The following SBNO1 variants were observed in gnomAD, a reference collection of about 807,000 sequenced individuals.
The protein encoded by SBNO1 is protein strawberry notch homolog 1.
A neutral mutation model predicts 173.6 loss-of-function variants in SBNO1; 23 were observed. The observed-to-expected ratio is 0.13, with a 90% CI of 0.10 to 0.19. The LOEUF (loss-of-function observed/expected upper bound fraction) is 0.19. Among genes scored for constraint, SBNO1 ranks in the 10% least tolerant of loss-of-function variants. The pLI is 1.00. For synonymous variants in SBNO1, 632 were observed against 571.5 expected, an observed-to-expected ratio of 1.11 and a Z score of -1.51; for missense variants, 1,238 against 1,671.2, an observed-to-expected ratio of 0.74 and a Z score of 4.52.
chr12:123,351,125 A>G (rs1873819417), intron 1 of SBNO1, among the ~76,000 whole-genome samples: 2 of 151,376 alleles, frequency 1.3e-5, no homozygotes, highest in East Asian at 3.9e-4. Context: ...CCATCTCAAA[A>G]AAAAAAAAAA....
At chr12:123,352,359 TGGAGTACAATGGC>T (rs988444434) in intron 1 of SBNO1, among the ~76,000 whole-genome samples, 17 of 152,226 alleles carry the variant, frequency 1.1e-4, no homozygotes, top group Non-Finnish European at 2.4e-4. Context: ...TTGCCCAAGG[TGGAGTACAATGGC>T]GCGGTCTCGG....
At chr12:123,311,891 G>A (rs1316108827) in intron 24 of SBNO1, among the ~76,000 whole-genome samples, 3 of 150,234 alleles carry the variant, frequency 2.0e-5, no homozygotes, top group Non-Finnish European at 3.0e-5. Context: ...GTGCACCACC[G>A]TGCCTGGCTA....
intron 1 of SBNO1, among the ~76,000 whole-genome samples, chr12:123,361,354 G>A (rs1291640763): frequency 2.6e-5 from 4 of 151,978 alleles, no homozygotes; most frequent in African/African-American, 9.7e-5. Context: ...TTCAAGAACA[G>A]CCTGATCAAC....
At chr12:123,328,050 T>C (rs752883350) in intron 10 of SBNO1, 23 bp from the exon 11 acceptor site, 3 of 1,572,862 alleles carry the variant, frequency 1.9e-6, no homozygotes, top group South Asian at 2.3e-5. Flanking sequence ...AGTTAAGGAA[T>C]GTATCACATT....
chr12:123,346,533 G>A (rs1396666967), intron 3 of SBNO1, among the ~76,000 whole-genome samples: 5 of 152,052 alleles, frequency 3.3e-5, no homozygotes, highest in African/African-American at 7.2e-5. Flanking sequence ...GCGTGGTGGC[G>A]GATGCCTATA....
chr12:123,330,212 A>G (rs1263572703), intron 9 of SBNO1, among the ~76,000 whole-genome samples: 1 of 152,210 alleles, frequency 6.6e-6, no homozygotes, highest in Non-Finnish European at 1.5e-5. Flanking sequence ...TTCAATAGCC[A>G]CATGTGATGA....
intron 20 of SBNO1, 49 bp from the exon 21 acceptor site, chr12:123,317,405 A>T (rs1296204829): frequency 6.3e-7 from 1 of 1,575,164 alleles, no homozygotes; most frequent in Non-Finnish European, 8.7e-7. Context: ...AAGAACAAGC[A>T]GGCCAGTGCC....
chr12:123,332,560 C>T (rs1195887751), intron 7 of SBNO1, among the ~76,000 whole-genome samples: 3 of 150,130 alleles, frequency 2.0e-5, no homozygotes, highest in Non-Finnish European at 4.4e-5. Context: ...CCAAAGTGCC[C>T]GGCCAGTGGT....
chr12:123,306,305 C>G (rs747036746), intron 28 of SBNO1, among the ~76,000 whole-genome samples: 1 of 152,178 alleles, frequency 6.6e-6, no homozygotes, highest in Non-Finnish European at 1.5e-5. Flanking sequence ...GTGATTCTGA[C>G]ATTGTTTTCC....
rs1417200928 is a variant in SBNO1, at chr12:123,292,531, A to T, written c.*3377T>A. 1 of 152,200 alleles carries T rather than the reference A, an allele frequency of 6.6e-6. No individual in the cohort carries two copies. The highest frequency in any genetic ancestry group is 1.5e-5 in the Non-Finnish European group (1 of 68,028). The allele number at this position is 152,200 out of a possible 1,614,324, so 9.4% of individuals were successfully genotyped here. A position where few individuals can be genotyped will look rare whatever the true frequency, so the allele number is the denominator to read the frequency against. On this transcript the variant is annotated 3_prime_UTR_variant, in exon 32 of 32. Transcript: ENST00000602398. Reference sequence around the variant, plus strand: ...GCCGGCTAACAATTGTTCTAACAGCATCCCATGGAGGCCAGCAAATGAATG... The same window carrying T: ...GCCGGCTAACAATTGTTCTAACAGCTTCCCATGGAGGCCAGCAAATGAATG...
At position 123,327,374 on chromosome 12, in the gene SBNO1, AACATTATCAGAT is replaced by A. The variant is rs1184338165; in HGVS notation, c.1692+40_1692+51del. The A allele has an allele frequency of 7.3e-6, 11 of 1,498,048 alleles. No homozygotes were observed. The Admixed American group carries it at 2.1e-4, about 28-fold the overall frequency. The allele number at this position is 1,498,048 out of a possible 1,614,324, so 92.8% of individuals were successfully genotyped here. ...CATCGCAATCGCCAAAACTAACAGAAACATTATCAGATACATTAAATAAACACTAGGAATTAA... is the reference window on the plus strand; with the variant it reads ...CATCGCAATCGCCAAAACTAACAGAAACATTAAATAAACACTAGGAATTAA... On this transcript the variant is annotated intron_variant, in intron 13 of 31. Coordinates refer to ENST00000602398, the MANE Select transcript of SBNO1 (RefSeq NM_001167856.3).
At chr12:123,331,563 C>T (rs145003484) in intron 7 of SBNO1, among the ~76,000 whole-genome samples, 188 bp from the exon 8 acceptor site, 129 of 152,186 alleles carry the variant, frequency 8.5e-4, no homozygotes, top group Non-Finnish European at 1.5e-3. Flanking sequence ...GCTCTGTCGC[C>T]CAGGTTGGAG....
At chr12:123,330,899 T>C (rs1871137360) in intron 8 of SBNO1, among the ~76,000 whole-genome samples, 1 of 152,026 alleles carries the variant, frequency 6.6e-6, no homozygotes, top group African/African-American at 2.4e-5. Flanking sequence ...CACTCCAGCC[T>C]GGGTGACAAA....
chr12:123,320,089 A>G, intron 19 of SBNO1, 58 bp from the exon 20 acceptor site: 2 of 1,593,508 alleles, frequency 1.3e-6, no homozygotes, highest in Admixed American at 1.7e-5. Flanking sequence ...GGATGGACTC[A>G]GTGCCTCTTT....
intron 13 of SBNO1, 60 bp from the exon 14 acceptor site, chr12:123,326,394 A>G: frequency 8.9e-7 from 1 of 1,128,920 alleles, no homozygotes; most frequent in Non-Finnish European, 1.2e-6. Context: ...ATTTAAAAAT[A>G]CCAATTAAAT....
intron 5 of SBNO1, among the ~76,000 whole-genome samples, chr12:123,337,458 T>C (rs1012622811): frequency 6.6e-6 from 1 of 152,146 alleles, no homozygotes; most frequent in Non-Finnish European, 1.5e-5. Context: ...TAAGGCAAGA[T>C]CGAGACAGCA....
intron 1 of SBNO1, among the ~76,000 whole-genome samples, chr12:123,362,768 CAAAAAAAAAAA>C (rs10587512): frequency 1.3e-5 from 1 of 76,504 alleles, no homozygotes. Flanking sequence ...GACTCCGCCT[CAAAAAAAAAAA>C]AAAAAAAAAA....
At chr12:123,354,757 T>C (rs1345843435) in intron 1 of SBNO1, among the ~76,000 whole-genome samples, 1 of 152,192 alleles carries the variant, frequency 6.6e-6, no homozygotes, top group Admixed American at 6.5e-5. Context: ...ACAAGAGAAC[T>C]GTGTTAGTGT....
chr12:123,324,698 G>C (rs1417940246), intron 15 of SBNO1, among the ~76,000 whole-genome samples: 1 of 152,134 alleles, frequency 6.6e-6, no homozygotes, highest in Non-Finnish European at 1.5e-5. Flanking sequence ...TTTACTACCA[G>C]AGTTTGAATG....
Sources: gnomAD v4.1 joint callset for allele counts (sites outside exome capture counted in the v4.1 genomes callset) on GRCh38, gnomAD v4.1.1 for gene constraint, MANE v1.5 for transcripts, NCBI Gene and HGNC (gene_info 2026-07-23, HGNC 2026-07-21) for gene names.